The following MYO3B variants were observed in gnomAD, a reference collection of about 807,000 sequenced individuals.
The protein encoded by MYO3B is myosin-IIIb.
In MYO3B, 156 loss-of-function variants were observed where a neutral mutation model predicts 174.6. The observed-to-expected ratio is 0.89, with a 90% CI of 0.78 to 1.02. The LOEUF (loss-of-function observed/expected upper bound fraction) is 1.02. Ranked by LOEUF, MYO3B falls within the 50% of genes least tolerant of loss-of-function variation. The pLI, the probability that MYO3B is intolerant of heterozygous loss-of-function variation, is 0.00. For missense variants in MYO3B, 1,632 were observed against 1,639.4 expected (o/e 1.00, Z 0.08); for synonymous variants, 563 against 569.1 (o/e 0.99, Z 0.15).
intron 7 of MYO3B, among the ~76,000 whole-genome samples, chr2:170,290,583 G>A (rs1317847406): frequency 3.3e-5 from 5 of 152,132 alleles, no homozygotes; most frequent in Admixed American, 3.3e-4. Context: ...TATATGTGAA[G>A]TAGGTTTCTT....
intron 32 of MYO3B, among the ~76,000 whole-genome samples, chr2:170,566,262 A>C (rs1024604037): frequency 1.1e-4 from 17 of 152,196 alleles, no homozygotes; most frequent in African/African-American, 3.6e-4. Flanking sequence ...TTATGTTACA[A>C]AAGGATGAAG....
intron 22 of MYO3B, among the ~76,000 whole-genome samples, chr2:170,426,888 A>G (rs1053365806): frequency 6.6e-6 from 1 of 152,040 alleles, no homozygotes. Context: ...GCGTGGTGGC[A>G]TGCGCCTGTA....
At chr2:170,626,595 G>T (rs1486973578) in intron 32 of MYO3B, among the ~76,000 whole-genome samples, 1 of 152,178 alleles carries the variant, frequency 6.6e-6, no homozygotes, top group Non-Finnish European at 1.5e-5. Flanking sequence ...TCATTATGAT[G>T]TTAGCTGGCT....
intron 34 of MYO3B, 124 bp downstream of exon 34, chr2:170,652,278 T>C: frequency 1.3e-6 from 1 of 767,026 alleles, no homozygotes; most frequent in Non-Finnish European, 2.1e-6. Context: ...TTGCCACTCT[T>C]ATTGACATTG....
chr2:170,558,226 G>A (rs1311639997), intron 32 of MYO3B, among the ~76,000 whole-genome samples: 8 of 151,886 alleles, frequency 5.3e-5, no homozygotes, highest in Non-Finnish European at 1.0e-4. Context: ...GTGTGAACCC[G>A]GGAGGCGGAG....
At chr2:170,215,826 T>C (rs2092822187) in intron 5 of MYO3B, among the ~76,000 whole-genome samples, 1 of 152,200 alleles carries the variant, frequency 6.6e-6, no homozygotes, top group Admixed American at 6.5e-5. Context: ...CACGTGATTC[T>C]GGGGACTGTA....
At chr2:170,291,905 A>G (rs2105420313) in intron 7 of MYO3B, among the ~76,000 whole-genome samples, 1 of 151,836 alleles carries the variant, frequency 6.6e-6, no homozygotes, top group East Asian at 1.9e-4. Context: ...TATGCTTTGG[A>G]TTAGTCTTTT....
At chr2:170,372,128 AAAAAAAAAAAAAAAAAAC>A (rs1237992902) in intron 9 of MYO3B, among the ~76,000 whole-genome samples, 1 of 142,160 alleles carries the variant, frequency 7.0e-6, no homozygotes, top group Admixed American at 6.9e-5. Context: ...CAAAAAAAAA[AAAAAAAAAAAAAAAAAAC>A]AACAACAACA....
At chr2:170,463,224 T>G in intron 23 of MYO3B, 144 bp from the exon 24 acceptor site, 1 of 581,756 alleles carries the variant, frequency 1.7e-6, no homozygotes, top group Non-Finnish European at 3.1e-6. Flanking sequence ...TTTTGAAAAA[T>G]TCTCCCCACA....
chr2:170,632,948 A>G (rs1697140128), intron 32 of MYO3B, among the ~76,000 whole-genome samples: 2 of 152,186 alleles, frequency 1.3e-5, no homozygotes, highest in Admixed American at 6.5e-5. Context: ...GAATAGACCA[A>G]TAACAGGCTC....
At chr2:170,550,468 G>A (rs907879670) in intron 32 of MYO3B, among the ~76,000 whole-genome samples, 1 of 152,210 alleles carries the variant, frequency 6.6e-6, no homozygotes, top group Admixed American at 6.5e-5. Flanking sequence ...CAGAGGATAA[G>A]ATGCTGCTGG....
intron 7 of MYO3B, among the ~76,000 whole-genome samples, chr2:170,324,693 G>T (rs1487588324): frequency 6.6e-6 from 1 of 152,220 alleles, no homozygotes; most frequent in South Asian, 2.1e-4. Context: ...TGTGATGCTG[G>T]AGTGGACTTG....
At chr2:170,390,177 G>A (rs747967673) in intron 14 of MYO3B, among the ~76,000 whole-genome samples, 57 of 152,226 alleles carry the variant, frequency 3.7e-4, no homozygotes, top group Middle Eastern at 3.4e-3. Flanking sequence ...AGTGGCTCAC[G>A]CCTGTAATCC....
At chr2:170,213,254 C>A (rs2092791484) in intron 3 of MYO3B, among the ~76,000 whole-genome samples, 2 of 152,162 alleles carry the variant, frequency 1.3e-5, no homozygotes, top group Admixed American at 1.3e-4. Context: ...GAGCATCGGG[C>A]AAGACTCCTG....
chr2:170,325,422 G>A (rs1002444774), intron 7 of MYO3B, among the ~76,000 whole-genome samples: 3 of 152,144 alleles, frequency 2.0e-5, no homozygotes, highest in African/African-American at 7.2e-5. Flanking sequence ...TGACCAGGCT[G>A]GTCTTGAACT....
At chr2:170,554,876 G>A (rs1190458298) in intron 32 of MYO3B, among the ~76,000 whole-genome samples, 2 of 152,130 alleles carry the variant, frequency 1.3e-5, no homozygotes, top group Admixed American at 6.5e-5. Context: ...TGTGCCTAGA[G>A]AAAATTTATT....
intron 32 of MYO3B, among the ~76,000 whole-genome samples, chr2:170,570,623 C>T (rs769537778): frequency 1.9e-4 from 29 of 152,178 alleles, no homozygotes; most frequent in Non-Finnish European, 2.9e-4. Flanking sequence ...TTGTAAGACA[C>T]GTAACTGTGC....
chr2:170,602,049 A>C, intron 32 of MYO3B: 1 of 948,452 alleles, frequency 1.1e-6, no homozygotes. Context: ...CCATATCTTC[A>C]AATTTTCCTT....
rs182881623 is a variant in MYO3B at position 170,620,647 on chromosome 2, C to T, written c.3734-30981C>T. ...CATGTTCCCATTGGTTACCCTTGTC[C>T]CCAAATCCCATGGGGTAGATGGAAA... On this transcript the variant is annotated intron_variant, in intron 32 of 34. Transcript: ENST00000408978. Among the ~76,000 whole-genome samples the T allele has an allele frequency of 8.1e-4, 123 of 152,306 alleles. 1 individual carries two copies. The highest frequency in any genetic ancestry group is 2.8e-3 in the African/African-American group (116 of 41,570).
Sources: allele counts gnomAD v4.1 joint callset (sites outside exome capture counted in the v4.1 genomes callset), GRCh38; gene constraint gnomAD v4.1.1; transcripts MANE v1.5; gene names NCBI Gene and HGNC (gene_info 2026-07-23, HGNC 2026-07-21).